The following CTCF variants were observed in gnomAD, a reference collection of about 807,000 sequenced individuals.
The protein encoded by CTCF is CCCTC-binding factor.
In CTCF, 7 loss-of-function variants were observed where a neutral mutation model predicts 72.3. The ratio of observed to expected loss-of-function variants is 0.10; its 90% confidence interval spans 0.06 to 0.18. The LOEUF (loss-of-function observed/expected upper bound fraction) is 0.18. CTCF is among the 10% of genes least tolerant of loss of function. The pLI is 1.00. For synonymous variants in CTCF, 374 were observed against 315.8 expected (o/e 1.18, Z -1.95); for missense variants, 516 against 949.1 (o/e 0.54, Z 6.00).
chr16:67,566,735 A>G (rs2051348033), intron 1 of CTCF, among the ~76,000 whole-genome samples: 1 of 150,888 alleles, frequency 6.6e-6, no homozygotes, highest in Non-Finnish European at 1.5e-5. Flanking sequence ...GCCTGCCACC[A>G]CGCCTGGCTA....
chr16:67,567,890 CTTT>C (rs55719441), intron 1 of CTCF: 6 of 55,410 alleles, frequency 1.1e-4, no homozygotes, highest in African/African-American at 3.8e-4. Context: ...CCATACTCGG[CTTT>C]TTTTTTTTTT....
At position 67,616,809 on chromosome 16, in the gene CTCF, G is replaced by A. The variant is rs1567610921; in HGVS notation, c.1017G>A (p.Arg339=). The A allele has an allele frequency of 3.7e-6, 6 of 1,613,976 alleles. No homozygotes were observed. Among genetic ancestry groups the A allele is most frequent in the Non-Finnish European group, 3.4e-6 (4 of 1,180,028 alleles). The change falls in exon 5 of 12, where the codon CGG becomes CGA. Residue 339 remains arginine, a synonymous_variant. Transcript: ENST00000264010. ...MAFVTSGELV[R]HRRYKHTHEK... ...TTGTGACCAGTGGAGAATTGGTTCGGCATCGTCGTTACAAACACACCCACG... is the reference window on the plus strand; with the variant it reads ...TTGTGACCAGTGGAGAATTGGTTCGACATCGTCGTTACAAACACACCCACG...
chr16:67,619,993 G>A (rs1195659441), intron 5 of CTCF, among the ~76,000 whole-genome samples: 1 of 152,234 alleles, frequency 6.6e-6, no homozygotes, highest in East Asian at 1.9e-4. Context: ...GAGGCCCTTC[G>A]AGCCTGGCCT....
chr16:67,574,290 TCA>T (rs1376152854), intron 2 of CTCF, among the ~76,000 whole-genome samples: 1 of 152,158 alleles, frequency 6.6e-6, no homozygotes, highest in Non-Finnish European at 1.5e-5. Flanking sequence ...CTAAAGCAGT[TCA>T]CAGACCTCAA....
chr16:67,632,974 A>G (rs1342007367), intron 10 of CTCF, among the ~76,000 whole-genome samples: 3 of 152,206 alleles, frequency 2.0e-5, no homozygotes, highest in Admixed American at 6.5e-5. Flanking sequence ...GAGGGATAAC[A>G]AAAGCTCTTT....
At chr16:67,630,184 TCTTAA>T (rs2052345824) in intron 10 of CTCF, among the ~76,000 whole-genome samples, 1 of 152,146 alleles carries the variant, frequency 6.6e-6, no homozygotes, top group African/African-American at 2.4e-5. Flanking sequence ...TTTCCTATGT[TCTTAA>T]CTTTTACATT....
intron 7 of CTCF, among the ~76,000 whole-genome samples, chr16:67,624,113 G>GTGTGTGTA (rs1555535504): frequency 2.3e-5 from 3 of 132,576 alleles, no homozygotes; most frequent in African/African-American, 9.4e-5. Context: ...GTGTGTGTGT[G>GTGTGTGTA]TGTATGTGTG....
intron 2 of CTCF, among the ~76,000 whole-genome samples, chr16:67,578,821 G>C (rs998461028): frequency 1.3e-5 from 2 of 151,544 alleles, no homozygotes; most frequent in African/African-American, 4.9e-5. Flanking sequence ...GGTGGCAGGC[G>C]CCTGTAATCT....
rs145727304 is a variant in CTCF at position 67,636,779 on chromosome 16, C to T, written c.1927C>T (p.Pro643Ser). 7,521 of 1,605,712 alleles carry T rather than the reference C, an allele frequency of 4.7e-3. 22 individuals are homozygous for T. Among genetic ancestry groups the T allele is most frequent in the Non-Finnish European group, 6.0e-3 (7,107 of 1,176,036 alleles). Residue 643 changes from proline to serine, a missense_variant, in exon 11 of 12, where the codon CCA (proline) becomes TCA (serine). Physicochemically the swap from Pro to Ser is moderately conservative, Grantham distance 74 (BLOSUM62 -1). Transcript: ENST00000264010. ...TGAGCCAGAGCCTCAGCCTGTGACC[C>T]CAGCCCCACCACCCGCCAAGAAGCG... is the stretch of plus-strand genomic sequence containing the variant. ...EPEPEPQPVT[P>S]APPPAKKRRG...
intron 2 of CTCF, among the ~76,000 whole-genome samples, chr16:67,601,240 G>GTT (rs1392229585): frequency 6.8e-6 from 1 of 147,956 alleles, no homozygotes; most frequent in Non-Finnish European, 1.5e-5. Context: ...GTGTGTGTGT[G>GTT]TGTGTGTGTG....
chr16:67,630,018 C>T (rs1393184922), intron 10 of CTCF, among the ~76,000 whole-genome samples: 2 of 151,638 alleles, frequency 1.3e-5, no homozygotes, highest in East Asian at 1.9e-4. Context: ...CCTCATGATC[C>T]GCCCTCCTCA....
At chr16:67,579,564 G>T (rs2051551798) in intron 2 of CTCF, among the ~76,000 whole-genome samples, 1 of 151,884 alleles carries the variant, frequency 6.6e-6, no homozygotes, top group South Asian at 2.1e-4. Context: ...TCGTCATGTT[G>T]GCCAGGCTGG....
chr16:67,628,968 C>T (rs1453066299), intron 9 of CTCF, among the ~76,000 whole-genome samples: 4 of 151,624 alleles, frequency 2.6e-5, no homozygotes, highest in East Asian at 3.9e-4. Context: ...AGGAGGATGG[C>T]GTGTACCCGG....
At chr16:67,587,535 T>C (rs1462702967) in intron 2 of CTCF, among the ~76,000 whole-genome samples, 1 of 151,952 alleles carries the variant, frequency 6.6e-6, no homozygotes. Flanking sequence ...GCAGGGTTTT[T>C]TTTTTTTCTT....
chr16:67,580,869 G>A lies in CTCF; in HGVS notation c.-10+9605G>A, dbSNP rs553843286. ...GACCTCAGGTGATCCACCCACGTCG[G>A]CCTCCCAAAGTGCTGGGATTACAGG... On this transcript the variant is annotated intron_variant, in intron 2 of 11. Coordinates refer to ENST00000264010, the MANE Select transcript of CTCF (RefSeq NM_006565.4). 3.2e-3 allele frequency among the ~76,000 whole-genome samples: 481 copies of A among 151,236 alleles called. 5 individuals carry two copies. The highest frequency in any genetic ancestry group is 4.2e-3 in the Non-Finnish European group (287 of 67,914).
chr16:67,636,851 C>CCAACA lies in CTCF; in HGVS notation c.1999_1999+1insCAACA (p.Ala669GlnfsTer19). On this transcript the variant is annotated frameshift_variant and splice_region_variant. Coordinates refer to ENST00000264010, the MANE Select transcript of CTCF (RefSeq NM_006565.4). LOFTEE classifies it high-confidence loss of function. Reference sequence around the variant, plus strand: ...AACCAACCAGCCCAAACAGAACCAGCGTAAGTTGTTCATCTCTGCTCTGGA... The same window carrying CCAACA: ...AACCAACCAGCCCAAACAGAACCAGCCAACAGTAAGTTGTTCATCTCTGCTCTGGA... 1 of 1,569,594 alleles carries CCAACA rather than the reference C, an allele frequency of 6.4e-7. No individual in the cohort carries two copies.
chr16:67,630,895 G>A (rs1227378231), intron 10 of CTCF, among the ~76,000 whole-genome samples: 2 of 152,142 alleles, frequency 1.3e-5, no homozygotes, highest in Admixed American at 6.6e-5. Flanking sequence ...CTGGCATCCA[G>A]GTGGGAAGGC....
chr16:67,562,941 C>CCGCTAGGCCTCCCTCCTGGCAGCG (rs2051296425), intron 1 of CTCF, among the ~76,000 whole-genome samples: 4 of 141,480 alleles, frequency 2.8e-5, no homozygotes, highest in Non-Finnish European at 6.2e-5. Flanking sequence ...GCCCGCCCGC[C>CCGCTAGGCCTCCCTCCTGGCAGCG]CGCTAGGCCT....
At chr16:67,602,733 C>T (rs1407860217) in intron 2 of CTCF, among the ~76,000 whole-genome samples, 4 of 150,484 alleles carry the variant, frequency 2.7e-5, no homozygotes, top group African/African-American at 9.8e-5. Flanking sequence ...CCCAGCTACT[C>T]GGGAGGCTGA....
Sources: gnomAD v4.1 joint callset for allele counts (sites outside exome capture counted in the v4.1 genomes callset) on GRCh38, gnomAD v4.1.1 for gene constraint, MANE v1.5 for transcripts, NCBI Gene and HGNC (gene_info 2026-07-23, HGNC 2026-07-21) for gene names.